LRRC20: variants seen among roughly 807,000 people sequenced by gnomAD.
The protein encoded by LRRC20 is leucine rich repeat containing 20.
In LRRC20, 11 loss-of-function variants were observed where a neutral mutation model predicts 14.4. That is an observed-to-expected ratio of 0.77 (90% CI 0.48 to 1.27). LRRC20 has a LOEUF of 1.27. Ranked by LOEUF, LRRC20 falls within the 50% of genes most tolerant of loss-of-function variation. The pLI is 0.00. For synonymous variants in LRRC20, 121 were observed against 107.3 expected (o/e 1.13, Z -0.79); for missense variants, 219 against 251.2 (o/e 0.87, Z 0.87).
At position 70,340,652 on chromosome 10, in the gene LRRC20, G is replaced by A; in HGVS notation, c.133C>T (p.Leu45=). 2 of 1,614,200 alleles carry A rather than the reference G, an allele frequency of 1.2e-6. No individual in the cohort carries two copies. The highest frequency in any genetic ancestry group is 1.7e-6 in the Non-Finnish European group (2 of 1,180,044). ...TGGATCTGGCCAGAGACATTCCGCA[G>A]GACCTTGTAGATGCCAATGGGAAAG... ...VSFPIGIYKV[L]RNVSGQIHLI... The change falls in exon 3 of 5, where the codon CTG becomes TTG. Residue 45 remains leucine, a synonymous_variant. Transcript: ENST00000446961.
At chr10:70,303,033 A>G (rs901487494) in intron 4 of LRRC20, among the ~76,000 whole-genome samples, 3 of 152,032 alleles carry the variant, frequency 2.0e-5, no homozygotes, top group African/African-American at 7.2e-5. Context: ...AAGAAAAAAA[A>G]AAGGTTAAAA....
intron 4 of LRRC20, among the ~76,000 whole-genome samples, chr10:70,318,741 G>C (rs1367211852): frequency 7.6e-6 from 1 of 131,748 alleles, no homozygotes; most frequent in South Asian, 2.6e-4. Flanking sequence ...GTGAGAGATC[G>C]AGACCCCATC....
chr10:70,373,177 G>T (rs538902335), intron 2 of LRRC20, among the ~76,000 whole-genome samples: 1 of 152,140 alleles, frequency 6.6e-6, no homozygotes, highest in South Asian at 2.1e-4. Context: ...TAGATGTTTA[G>T]GATGCTTCAG....
intron 4 of LRRC20, among the ~76,000 whole-genome samples, chr10:70,314,075 G>A (rs1282364279): frequency 1.3e-5 from 2 of 152,164 alleles, no homozygotes; most frequent in African/African-American, 4.8e-5. Flanking sequence ...CAGATCTCGT[G>A]AGACTTATTC....
At chr10:70,375,292 C>T (rs910131792) in intron 2 of LRRC20, among the ~76,000 whole-genome samples, 7 of 152,162 alleles carry the variant, frequency 4.6e-5, no homozygotes, top group Non-Finnish European at 7.3e-5. Context: ...CCTGACACTG[C>T]GCTGGGCTCT....
intron 4 of LRRC20, among the ~76,000 whole-genome samples, chr10:70,310,173 A>G (rs796273718): frequency 1.3e-5 from 2 of 152,370 alleles, no homozygotes; most frequent in African/African-American, 4.8e-5. Flanking sequence ...CTCGCAAGTG[A>G]CAAGCCCAAG....
At chr10:70,356,409 G>C (rs947474832) in intron 2 of LRRC20, among the ~76,000 whole-genome samples, 1 of 152,188 alleles carries the variant, frequency 6.6e-6, no homozygotes, top group African/African-American at 2.4e-5. Context: ...CTAGCTACTT[G>C]GGAGGCTGTG....
intron 2 of LRRC20, among the ~76,000 whole-genome samples, chr10:70,363,207 G>A (rs1333141913): frequency 1.4e-5 from 2 of 140,632 alleles, no homozygotes; most frequent in African/African-American, 5.1e-5. Context: ...TAGCCTAAGA[G>A]TTTGAGCCAC....
chr10:70,368,864 C>T (rs1054808054), intron 2 of LRRC20, among the ~76,000 whole-genome samples: 1 of 152,202 alleles, frequency 6.6e-6, no homozygotes, highest in Non-Finnish European at 1.5e-5. Context: ...CTCAGGCAAT[C>T]TGCCCGCCTC....
intron 4 of LRRC20, among the ~76,000 whole-genome samples, chr10:70,318,530 G>A (rs1246636819): frequency 6.6e-6 from 1 of 152,206 alleles, no homozygotes; most frequent in Non-Finnish European, 1.5e-5. Flanking sequence ...GAGGCGGGCA[G>A]ATCGCTTGAG....
intron 2 of LRRC20, among the ~76,000 whole-genome samples, chr10:70,342,792 T>C (rs1005333695): frequency 2.0e-5 from 3 of 152,180 alleles, no homozygotes; most frequent in African/African-American, 7.2e-5. Context: ...TCCAGAAGTC[T>C]TCTGGGTCAC....
rs192479619 is a variant in LRRC20 at position 70,369,052 on chromosome 10, G to C, written c.82+7400C>G. ...TTGCCCATGAAAGCAGTCCATGGGG[G>C]CTGTCCCCATTGTTTCTTTAACTCA... On this transcript the variant is annotated intron_variant, in intron 2 of 4. Coordinates refer to ENST00000446961, the MANE Select transcript of LRRC20 (RefSeq NM_001278212.2). Among the ~76,000 whole-genome samples the C allele has an allele frequency of 5.9e-5, 9 of 152,326 alleles. No individual in the cohort carries two copies. The East Asian group carries it at 1.2e-3, about 20-fold the overall frequency.
intron 2 of LRRC20, among the ~76,000 whole-genome samples, chr10:70,375,297 G>A (rs1844463836): frequency 6.6e-6 from 1 of 152,174 alleles, no homozygotes; most frequent in African/African-American, 2.4e-5. Flanking sequence ...CACTGCGCTG[G>A]GCTCTGGGGC....
rs1357291654 is a variant in LRRC20, at chr10:70,340,585, C to A, written c.200G>T (p.Ser67Ile). Residue 67 changes from serine to isoleucine, a missense_variant, in exon 3 of 5, where the codon AGC becomes ATC. By Grantham distance (142) the Ser-to-Ile change is moderately radical. Transcript: ENST00000446961. ...LANNELKSLTSKFMTTFSQLR... is the reference protein window; with the variant it reads ...LANNELKSLTIKFMTTFSQLR... ...CTGACTGAATGTGGTCATGAACTTGCTGGTGAGGGACTTAAGCTCGTTGTT... is the reference window on the plus strand; with the variant it reads ...CTGACTGAATGTGGTCATGAACTTGATGGTGAGGGACTTAAGCTCGTTGTT... 6.2e-7 allele frequency: 1 copy of A among 1,614,186 alleles called. No homozygotes were observed. The highest frequency in any genetic ancestry group is 1.1e-5 in the South Asian group (1 of 91,076).
Position 70,308,616 on chromosome 10 carries a change from G to C in LRRC20, c.401-7108C>G, listed in dbSNP as rs144253148. ...GCTATAGGGCAGCCGGGGTTGGGGG[G>C]TGTGGCAGGGAGGGGCTGGTCATCA... On this transcript the variant is annotated intron_variant, in intron 4 of 4. Coordinates refer to ENST00000446961, the MANE Select transcript of LRRC20 (RefSeq NM_001278212.2). Among the ~76,000 whole-genome samples, 345 of 152,192 alleles carry C rather than the reference G, an allele frequency of 2.3e-3. 3 individuals are homozygous for C. The highest frequency in any genetic ancestry group is 7.7e-3 in the African/African-American group (319 of 41,540).
At chr10:70,342,696 A>G (rs886519339) in intron 2 of LRRC20, among the ~76,000 whole-genome samples, 1 of 152,328 alleles carries the variant, frequency 6.6e-6, no homozygotes. Context: ...CAAATATTGT[A>G]GCAGTCCTCC....
chr10:70,376,796 CT>C, intron 1 of LRRC20, 200 bp from the exon 2 acceptor site: 1 of 503,948 alleles, frequency 2.0e-6, no homozygotes, highest in South Asian at 2.2e-5. Context: ...GTCTGCCAGT[CT>C]GGCAGCTGGG....
chr10:70,319,915 T>C (rs908692285), intron 4 of LRRC20, among the ~76,000 whole-genome samples: 4 of 152,226 alleles, frequency 2.6e-5, no homozygotes, highest in Non-Finnish European at 5.9e-5. Context: ...GCCTCTCATC[T>C]GGGTGGGAGA....
chr10:70,304,497 TA>T, intron 4 of LRRC20, among the ~76,000 whole-genome samples: 1 of 127,532 alleles, frequency 7.8e-6, no homozygotes, highest in East Asian at 2.1e-4. Context: ...TATATATATA[TA>T]TATATATATT....
Sources: allele counts gnomAD v4.1 joint callset (sites outside exome capture counted in the v4.1 genomes callset), GRCh38; gene constraint gnomAD v4.1.1; transcripts MANE v1.5; gene names NCBI Gene and HGNC (gene_info 2026-07-23, HGNC 2026-07-21).